ADGRL3: variants seen among roughly 807,000 people sequenced by gnomAD.
ADGRL3 encodes adhesion G protein-coupled receptor L3.
Under a neutral mutation model 153.5 loss-of-function variants are expected in ADGRL3, and 62 were observed. That is an observed-to-expected ratio of 0.40 (90% confidence interval 0.33 to 0.50). ADGRL3 has a LOEUF of 0.50. Ranked by LOEUF, ADGRL3 falls within the 20% of genes least tolerant of loss-of-function variation. The probability of loss-of-function intolerance (pLI) is 0.47; values close to 1 mark genes in which losing one functional copy is unlikely to be tolerated. For missense variants in ADGRL3, 1,641 were observed against 1,859.4 expected (o/e 0.88, Z 2.16); for synonymous variants, 710 against 672.5 (o/e 1.06, Z -0.86).
At chr4:61,441,237 T>C (rs1022203573) in intron 2 of ADGRL3, among the ~76,000 whole-genome samples, 2 of 152,212 alleles carry the variant, frequency 1.3e-5, no homozygotes, top group African/African-American at 4.8e-5. Flanking sequence ...TACTAATATG[T>C]ACTTCATATT....
At chr4:62,004,592 T>C (rs893975037) in intron 21 of ADGRL3, among the ~76,000 whole-genome samples, 8 of 152,028 alleles carry the variant, frequency 5.3e-5, no homozygotes, top group South Asian at 2.1e-4. Flanking sequence ...TCAAAGCTAT[T>C]CAATTAAAAT....
At chr4:61,938,019 A>G (rs2098846387) in intron 15 of ADGRL3, among the ~76,000 whole-genome samples, 1 of 152,226 alleles carries the variant, frequency 6.6e-6, no homozygotes, top group South Asian at 2.1e-4. Flanking sequence ...AGCCTCCCAT[A>G]GTGCTGGGAT....
chr4:61,388,880 T>C (rs2151980469), intron 2 of ADGRL3, among the ~76,000 whole-genome samples: 1 of 152,284 alleles, frequency 6.6e-6, no homozygotes, highest in East Asian at 1.9e-4. Flanking sequence ...TCCCTGCACA[T>C]TCCCATTTAA....
chr4:61,644,807 G>C (rs1014524320), intron 5 of ADGRL3, among the ~76,000 whole-genome samples: 5 of 152,078 alleles, frequency 3.3e-5, no homozygotes, highest in African/African-American at 4.8e-5. Context: ...ATGTCCGCTT[G>C]GTATAGAGCT....
At chr4:61,569,332 A>T (rs1181676344) in intron 4 of ADGRL3, among the ~76,000 whole-genome samples, 1 of 152,172 alleles carries the variant, frequency 6.6e-6, no homozygotes, top group African/African-American at 2.4e-5. Flanking sequence ...GTTTTATAGT[A>T]TATTTATACA....
intron 9 of ADGRL3, among the ~76,000 whole-genome samples, chr4:61,875,275 T>C (rs2098468903): frequency 6.6e-6 from 1 of 152,220 alleles, no homozygotes; most frequent in African/African-American, 2.4e-5. Context: ...AAAAGCCATC[T>C]TGGATTTTTC....
chr4:61,361,583 T>G (rs1312534520), intron 1 of ADGRL3, among the ~76,000 whole-genome samples: 2 of 152,220 alleles, frequency 1.3e-5, no homozygotes, highest in African/African-American at 2.4e-5. Flanking sequence ...GCAGTAATGA[T>G]ATCCACTTTC....
intron 13 of ADGRL3, among the ~76,000 whole-genome samples, chr4:61,930,831 C>T (rs185646843): frequency 8.0e-4 from 121 of 151,650 alleles, no homozygotes; most frequent in African/African-American, 2.2e-3. Context: ...AATACTCACC[C>T]GTACCTACCC....
chr4:61,741,382 G>A (rs1182876394), intron 8 of ADGRL3, among the ~76,000 whole-genome samples: 1 of 152,174 alleles, frequency 6.6e-6, no homozygotes, highest in Non-Finnish European at 1.5e-5. Context: ...GGAAAAAATA[G>A]TCAGCAACTT....
chr4:61,265,505 A>G (rs2092795898), intron 1 of ADGRL3, among the ~76,000 whole-genome samples: 1 of 151,906 alleles, frequency 6.6e-6, no homozygotes, highest in African/African-American at 2.4e-5. Flanking sequence ...GAACAGTGGC[A>G]GAAAAATGTG....
At chr4:61,724,423 T>A (rs1271223882) in intron 6 of ADGRL3, among the ~76,000 whole-genome samples, 1 of 152,198 alleles carries the variant, frequency 6.6e-6, no homozygotes, top group Non-Finnish European at 1.5e-5. Context: ...TCCCAGTTTC[T>A]GTAGCATCTA....
chr4:61,865,235 G>A (rs1192173206), intron 9 of ADGRL3, among the ~76,000 whole-genome samples: 1 of 151,380 alleles, frequency 6.6e-6, no homozygotes, highest in African/African-American at 2.4e-5. Flanking sequence ...TAAGCAGTTA[G>A]CTATTGCCCA....
chr4:61,403,487 C>A (rs2096955870), intron 2 of ADGRL3, among the ~76,000 whole-genome samples: 2 of 151,980 alleles, frequency 1.3e-5, no homozygotes, highest in Non-Finnish European at 2.9e-5. Flanking sequence ...TGCTGGGAGG[C>A]CATTGCACTG....
At chr4:61,264,207 C>T (rs555896215) in intron 1 of ADGRL3, among the ~76,000 whole-genome samples, 2 of 151,878 alleles carry the variant, frequency 1.3e-5, no homozygotes, top group East Asian at 1.9e-4. Context: ...AAGCTGGTAA[C>T]CTTTTTAAGA....
chr4:61,716,284 T>C (rs1357248598), intron 6 of ADGRL3, among the ~76,000 whole-genome samples: 1 of 152,126 alleles, frequency 6.6e-6, no homozygotes, highest in Non-Finnish European at 1.5e-5. Context: ...ATTGACCCTT[T>C]TCTAAATTTT....
At chr4:61,569,571 A>G (rs1354595029) in intron 4 of ADGRL3, among the ~76,000 whole-genome samples, 3 of 152,144 alleles carry the variant, frequency 2.0e-5, no homozygotes, top group Non-Finnish European at 2.9e-5. Context: ...TGTCTCTGAC[A>G]ATGACATTAA....
intron 1 of ADGRL3, among the ~76,000 whole-genome samples, chr4:61,328,092 G>A (rs1331257089): frequency 1.3e-5 from 2 of 152,064 alleles, no homozygotes; most frequent in Non-Finnish European, 2.9e-5. Context: ...TTAGTAGTAG[G>A]AAGAGCTTTT....
chr4:61,435,064 G>A lies in ADGRL3; in HGVS notation c.-174+51875G>A, dbSNP rs192230215. Among the ~76,000 whole-genome samples the A allele has an allele frequency of 6.4e-3, 978 of 152,092 alleles. 14 individuals carry two copies. The highest frequency in any genetic ancestry group is 0.022 in the African/African-American group (931 of 41,510). ...TATGGTAGATGATATTGAAGTAAAA[G>A]CAAAGTAATCTACATTTTTAAATGC... On this transcript the variant is annotated intron_variant, in intron 2 of 26. Transcript: ENST00000683033.
chr4:61,792,264 C>G (rs1415703326), intron 8 of ADGRL3, among the ~76,000 whole-genome samples: 1 of 152,108 alleles, frequency 6.6e-6, no homozygotes, highest in African/African-American at 2.4e-5. Context: ...CTTTCAAGTT[C>G]AACGTTTCAC....
Sources: gnomAD v4.1 joint callset for allele counts (sites outside exome capture counted in the v4.1 genomes callset) on GRCh38, gnomAD v4.1.1 for gene constraint, MANE v1.5 for transcripts, NCBI Gene and HGNC (gene_info 2026-07-23, HGNC 2026-07-21) for gene names.